The following TMEM131 variants were observed in gnomAD, a reference collection of about 807,000 sequenced individuals.
TMEM131 encodes the protein transmembrane protein 131.
In TMEM131, 66 loss-of-function variants were observed where a neutral mutation model predicts 211.6. That is an observed-to-expected ratio of 0.31 (90% CI 0.26 to 0.38). TMEM131 has a LOEUF of 0.38. Among genes scored for constraint, TMEM131 ranks in the 10% least tolerant of loss-of-function variants. The pLI is 1.00. For synonymous variants in TMEM131, 844 were observed against 841.3 expected, an observed-to-expected ratio of 1.00 and a Z score of -0.06; for missense variants, 2,036 against 2,299.3, an observed-to-expected ratio of 0.89 and a Z score of 2.34.
chr2:97,849,732 T>C (rs2105135323), intron 5 of TMEM131, among the ~76,000 whole-genome samples: 1 of 149,082 alleles, frequency 6.7e-6, no homozygotes, highest in South Asian at 2.1e-4. Flanking sequence ...TTTTTTTTTT[T>C]TTTTTTTTAC....
At chr2:97,805,775 T>TAGAC in intron 19 of TMEM131, 72 bp from the exon 20 acceptor site, 1 of 1,344,236 alleles carries the variant, frequency 7.4e-7, no homozygotes, top group Admixed American at 2.4e-5. Context: ...AGTTTCAGAG[T>TAGAC]AGACAAGCAT....
intron 26 of TMEM131, 113 bp from the exon 27 acceptor site, chr2:97,797,099 T>G (rs1291724481): frequency 8.6e-7 from 1 of 1,162,410 alleles, no homozygotes; most frequent in Non-Finnish European, 1.2e-6. Flanking sequence ...AATTTAATGG[T>G]GAGAATTTAT....
At chr2:97,826,181 A>G (rs906025974) in intron 11 of TMEM131, among the ~76,000 whole-genome samples, 2 of 152,222 alleles carry the variant, frequency 1.3e-5, no homozygotes, top group South Asian at 2.1e-4. Flanking sequence ...AGGTTATGCC[A>G]TAGTTAATGA....
intron 12 of TMEM131, among the ~76,000 whole-genome samples, chr2:97,815,556 A>G (rs976239692): frequency 2.6e-5 from 4 of 152,196 alleles, no homozygotes; most frequent in Non-Finnish European, 5.9e-5. Context: ...AGGAGGTAAA[A>G]CACTGTACCT....
chr2:97,798,534 G>A (rs1476132495), intron 25 of TMEM131, among the ~76,000 whole-genome samples: 1 of 152,184 alleles, frequency 6.6e-6, no homozygotes, highest in Non-Finnish European at 1.5e-5. Flanking sequence ...TTTAATTCTT[G>A]CTTCTGAGGT....
intron 22 of TMEM131, among the ~76,000 whole-genome samples, chr2:97,803,506 T>C (rs908009262): frequency 1.3e-5 from 2 of 152,222 alleles, no homozygotes; most frequent in Non-Finnish European, 2.9e-5. Context: ...GACACAATAT[T>C]ATAAATGGAG....
At chr2:97,786,731 C>T (rs1386539738) in intron 31 of TMEM131, among the ~76,000 whole-genome samples, 3 of 152,082 alleles carry the variant, frequency 2.0e-5, no homozygotes, top group Admixed American at 1.3e-4. Context: ...CTGAGAGGCA[C>T]GGTGTAGGTG....
chr2:97,773,383 C>T (rs928026860), intron 32 of TMEM131, among the ~76,000 whole-genome samples: 1 of 152,142 alleles, frequency 6.6e-6, no homozygotes, highest in Non-Finnish European at 1.5e-5. Flanking sequence ...CGACAGACGC[C>T]AGCATGGACC....
At chr2:97,974,099 T>TATTATAA (rs1328080568) in intron 1 of TMEM131, among the ~76,000 whole-genome samples, 3 of 152,024 alleles carry the variant, frequency 2.0e-5, no homozygotes, top group African/African-American at 7.3e-5. Context: ...ATAAAACAGG[T>TATTATAA]ATTATAAATG....
intron 1 of TMEM131, among the ~76,000 whole-genome samples, chr2:97,950,377 C>CA (rs751758786): frequency 4.9e-4 from 75 of 152,274 alleles, no homozygotes; most frequent in Admixed American, 8.5e-4. Flanking sequence ...AATTTAAAAA[C>CA]AGTCAAAGTT....
chr2:97,940,613 C>A (rs1677673118), intron 1 of TMEM131, among the ~76,000 whole-genome samples: 2 of 152,000 alleles, frequency 1.3e-5, no homozygotes, highest in Admixed American at 6.6e-5. Flanking sequence ...TCGAGACTAT[C>A]CTGGCTAACG....
chr2:97,879,727 T>A (rs1674845344), intron 4 of TMEM131, among the ~76,000 whole-genome samples: 1 of 152,256 alleles, frequency 6.6e-6, no homozygotes, highest in Non-Finnish European at 1.5e-5. Flanking sequence ...ATTTCCTTAC[T>A]GTCTTCTTAA....
In TMEM131 at chr2:97,757,395, CAG is replaced by C. The variant is rs1559337900; in HGVS notation, c.5368-14_5368-13del. 3.2e-6 allele frequency: 5 copies of C among 1,580,220 alleles called. No homozygotes were observed. In the East Asian group the frequency reaches 6.7e-5, roughly 21 times the overall value. On this transcript the variant is annotated splice_polypyrimidine_tract_variant and intron_variant, in intron 40 of 40. Transcript: ENST00000186436. ...TTACCGAGGACCGACTGCGACAAAA[CAG>C]AAAGCGTCCAGCACTGAGCCCGGCA...
chr2:97,911,546 T>G (rs1056902895), intron 2 of TMEM131: 2 of 776,114 alleles, frequency 2.6e-6, no homozygotes, highest in Non-Finnish European at 3.1e-6. Context: ...ATCACTCATG[T>G]GCACTTTCTT....
chr2:97,908,614 GA>G, intron 3 of TMEM131, 43 bp downstream of exon 3: 1 of 1,480,538 alleles, frequency 6.8e-7, no homozygotes, highest in Non-Finnish European at 9.3e-7. Flanking sequence ...GAATCCCCCA[GA>G]AGGAACCGAA....
In TMEM131 at chr2:97,766,251, A is replaced by G. The variant is rs754716722; in HGVS notation, c.4586T>C (p.Leu1529Ser). 2 of 1,614,070 alleles carry G rather than the reference A, an allele frequency of 1.2e-6. No individual in the cohort carries two copies. The highest frequency in any genetic ancestry group is 1.7e-6 in the Non-Finnish European group (2 of 1,179,904). ...NAQKTKGTSKLVDNRPPALAK... is the reference protein window; with the variant it reads ...NAQKTKGTSKSVDNRPPALAK... Reference sequence around the variant, plus strand: ...TAGGGCAGGTGGTCTGTTATCCACTAACTTACTTGTACCTGCACAAAAATC... The same window carrying G: ...TAGGGCAGGTGGTCTGTTATCCACTGACTTACTTGTACCTGCACAAAAATC... The change falls in exon 35 of 41, where the codon TTA becomes TCA. Residue 1529 changes from leucine to serine, a missense_variant. By Grantham distance (145) the Leu-to-Ser change is moderately radical. This residue lies in a region of TMEM131 where 1,623 missense variants were observed against 1,805.9 expected (regional missense o/e 0.90). Transcript: ENST00000186436.
intron 1 of TMEM131, among the ~76,000 whole-genome samples, chr2:97,968,707 T>C (rs1220676331): frequency 2.0e-5 from 3 of 152,234 alleles, no homozygotes; most frequent in Non-Finnish European, 4.4e-5. Context: ...GCAAGTTTCC[T>C]GGCTCCCATT....
In TMEM131 at chr2:97,908,293, G is replaced by A. The variant is rs1275199159; in HGVS notation, c.290+365C>T. Among the ~76,000 whole-genome samples the A allele has an allele frequency of 4.6e-5, 7 of 152,206 alleles. No individual in the cohort carries two copies. In the South Asian group the frequency reaches 1.5e-3, roughly 32 times the overall value. On this transcript the variant is annotated intron_variant, in intron 3 of 40. Coordinates refer to ENST00000186436, the MANE Select transcript of TMEM131 (RefSeq NM_015348.2). ...TTCGCAGGTCTGAGATCCTTCTCTG[G>A]GGGCCTGCGGGCAGACCCCTGGTAA... is the stretch of plus-strand genomic sequence containing the variant.
At chr2:97,945,401 T>C (rs1345508342) in intron 1 of TMEM131, among the ~76,000 whole-genome samples, 1 of 152,172 alleles carries the variant, frequency 6.6e-6, no homozygotes, top group Admixed American at 6.5e-5. Context: ...TCTATGAGTA[T>C]ACTTCAAAAA....
Sources: gnomAD v4.1 joint callset for allele counts (sites outside exome capture counted in the v4.1 genomes callset) on GRCh38, gnomAD v4.1.1 for gene constraint, gnomAD v4.1.1 regional missense constraint, MANE v1.5 for transcripts, NCBI Gene and HGNC (gene_info 2026-07-23, HGNC 2026-07-21) for gene names.